ZNF395: variants seen among roughly 807,000 people sequenced by gnomAD.
ZNF395 encodes the protein HD gene regulatory region-binding protein 2.
ZNF395 carries 20 observed loss-of-function variants against 57.7 expected under a neutral mutation model. The observed-to-expected ratio is 0.35, with a 90% CI of 0.24 to 0.50. ZNF395 has a LOEUF of 0.50. Ranked by LOEUF, ZNF395 falls within the 20% of genes least tolerant of loss-of-function variation. The pLI, the probability that ZNF395 is intolerant of heterozygous loss-of-function variation, is 0.97. For synonymous variants in ZNF395, 295 were observed against 275.9 expected (o/e 1.07, Z -0.69); for missense variants, 606 against 671.2 (o/e 0.90, Z 1.07).
Position 28,351,734 on chromosome 8 carries a change from A to C in ZNF395, c.994T>G (p.Ser332Ala), listed in dbSNP as rs1801687534. The change falls in exon 7 of 10, where the codon TCT (serine) becomes GCT (alanine). Residue 332 changes from serine (S) to alanine (A), a missense_variant. By Grantham distance (99) the Ser-to-Ala change is moderately conservative. Coordinates refer to ENST00000344423, the MANE Select transcript of ZNF395 (RefSeq NM_018660.3). ...YYTEVQLKEESAAAAAAAAAG... is the reference protein window; with the variant it reads ...YYTEVQLKEEAAAAAAAAAAG... ...GCAGCAGCAGCAGCAGCAGCAGCAG[A>C]TTCCTCCTTCAGCTGCACCTCTGTG... is the stretch of plus-strand genomic sequence containing the variant. The C allele has an allele frequency of 1.2e-6, 2 of 1,605,432 alleles. No individual in the cohort carries two copies. The highest frequency in any genetic ancestry group is 4.5e-5 in the East Asian group (2 of 44,854).
At chr8:28,365,794 G>A (rs1585858845) in intron 1 of ZNF395, among the ~76,000 whole-genome samples, 1 of 152,176 alleles carries the variant, frequency 6.6e-6, no homozygotes, top group South Asian at 2.1e-4. Flanking sequence ...ACATTCTGAT[G>A]TGCTAATAGC....
chr8:28,353,692 A>G (rs1801746726), intron 4 of ZNF395, among the ~76,000 whole-genome samples: 1 of 151,982 alleles, frequency 6.6e-6, no homozygotes, highest in African/African-American at 2.4e-5. Context: ...GGGTCTTGCT[A>G]TGTTGCCCAG....
intron 1 of ZNF395, among the ~76,000 whole-genome samples, chr8:28,377,144 G>A (rs1802051396): frequency 6.6e-6 from 1 of 151,910 alleles, no homozygotes; most frequent in Non-Finnish European, 1.5e-5. Flanking sequence ...AAATAATCAG[G>A]GCGGATTCTA....
In ZNF395 at chr8:28,353,189, G is replaced by A. The variant is rs1156277630; in HGVS notation, c.803C>T (p.Ala268Val). The A allele has an allele frequency of 1.2e-6, 2 of 1,613,784 alleles. No homozygotes were observed. The change falls in exon 5 of 10, where the codon GCT (alanine) becomes GTT (valine). Residue 268 changes from alanine to valine, a missense_variant. This residue lies in a region of ZNF395 where 309 missense variants were observed against 374.7 expected (regional missense o/e 0.82). Transcript: ENST00000344423. ...DPDPFLLDEPAPRKRKNSVKV... is the reference protein window; with the variant it reads ...DPDPFLLDEPVPRKRKNSVKV... Reference sequence around the variant, plus strand: ...ATCACGTACCTTTCTTTTTCGTGGAGCTGGTTCGTCCAGCAGGAAAGGGTC... The same window carrying A: ...ATCACGTACCTTTCTTTTTCGTGGAACTGGTTCGTCCAGCAGGAAAGGGTC...
intron 3 of ZNF395, among the ~76,000 whole-genome samples, chr8:28,358,154 T>TC (rs1801804885): frequency 1.4e-5 from 2 of 142,894 alleles, no homozygotes; most frequent in African/African-American, 5.2e-5. Flanking sequence ...TTTTTTTCTT[T>TC]TTTTTTTTTT....
chr8:28,377,783 A>T (rs1802059573), intron 1 of ZNF395, among the ~76,000 whole-genome samples: 1 of 116,198 alleles, frequency 8.6e-6, no homozygotes, highest in Non-Finnish European at 1.6e-5. Flanking sequence ...TGAGAGATGG[A>T]GTCTCACTCT....
Position 28,353,403 on chromosome 8 carries a change from G to A in ZNF395, c.589C>T (p.Arg197Cys), listed in dbSNP as rs571744613. The change falls in exon 5 of 10, where the codon CGT (arginine) becomes TGT (cysteine). Residue 197 changes from arginine (R) to cysteine (C), a missense_variant. Coordinates refer to ENST00000344423, the MANE Select transcript of ZNF395 (RefSeq NM_018660.3). Reference sequence around the variant, plus strand: ...TCCTTCCATGGGTCGCAGGCCGCACGGGAAGCTGGCCAGATGAAGAAAAGA... The same window carrying A: ...TCCTTCCATGGGTCGCAGGCCGCACAGGAAGCTGGCCAGATGAAGAAAAGA... The part of the protein sequence containing the change: ...PGTEANFSAS[R>C]AACDPWKESG... 1.0e-5 allele frequency: 16 copies of A among 1,530,348 alleles called. No individual in the cohort carries two copies. The highest frequency in any genetic ancestry group is 6.4e-5 in the South Asian group (5 of 78,034). 94.8% of individuals were successfully genotyped at this position (1,530,348 alleles called of 1,614,324 possible).
chr8:28,383,566 A>T (rs1802135876), intron 1 of ZNF395, among the ~76,000 whole-genome samples: 1 of 151,826 alleles, frequency 6.6e-6, no homozygotes, highest in Non-Finnish European at 1.5e-5. Flanking sequence ...AACAGCCCAT[A>T]CTCCTCAGGG....
chr8:28,384,784 C>T (rs1461037840), intron 1 of ZNF395, among the ~76,000 whole-genome samples: 2 of 152,236 alleles, frequency 1.3e-5, no homozygotes, highest in Non-Finnish European at 2.9e-5. Context: ...TATACTCCCT[C>T]TCCAGCATCT....
chr8:28,371,968 G>A (rs963563947), intron 1 of ZNF395, among the ~76,000 whole-genome samples: 1 of 152,022 alleles, frequency 6.6e-6, no homozygotes, highest in Non-Finnish European at 1.5e-5. Context: ...AGAATTGCTT[G>A]TACCTAGGAG....
chr8:28,349,402 G>A (rs1585849408), intron 8 of ZNF395, among the ~76,000 whole-genome samples, 174 bp from the exon 9 acceptor site: 1 of 152,222 alleles, frequency 6.6e-6, no homozygotes, highest in Non-Finnish European at 1.5e-5. Flanking sequence ...GGAAGGAGCA[G>A]GCCTTCATGC....
chr8:28,377,187 GAATTA>G (rs1186373391), intron 1 of ZNF395, among the ~76,000 whole-genome samples: 8 of 152,078 alleles, frequency 5.3e-5, no homozygotes, highest in Non-Finnish European at 1.0e-4. Flanking sequence ...AAGTTAAGCA[GAATTA>G]AACTAAAAAA....
rs377350712 is a variant in ZNF395, at chr8:28,362,620, C to T, written c.-58-1438G>A. Among the ~76,000 whole-genome samples, 27 of 152,056 alleles carry T rather than the reference C, an allele frequency of 1.8e-4. No homozygotes were observed. In the South Asian group the frequency reaches 4.4e-3, roughly 25 times the overall value. ...CTTAGCTCAAGCTATCTTTGAACAGCTGCATAAGCCTTCTTTCCTTTTCAC... is the reference window on the plus strand; with the variant it reads ...CTTAGCTCAAGCTATCTTTGAACAGTTGCATAAGCCTTCTTTCCTTTTCAC... On this transcript the variant is annotated intron_variant, in intron 1 of 9. Transcript: ENST00000344423.
chr8:28,374,950 A>G lies in ZNF395; in HGVS notation c.-59+11443T>C, dbSNP rs922691429. The stretch of plus-strand genomic sequence containing the variant: ...CCAAATCCCCTGAGCTAATGAGAAA[A>G]AAGAATCTGAACATCCCATTGCACA... On this transcript the variant is annotated intron_variant, in intron 1 of 9. Coordinates refer to ENST00000344423, the MANE Select transcript of ZNF395 (RefSeq NM_018660.3). Among the ~76,000 whole-genome samples, 3 of 152,202 alleles carry G rather than the reference A, an allele frequency of 2.0e-5. No individual in the cohort carries two copies. The South Asian group carries it at 6.2e-4, about 31-fold the overall frequency.
chr8:28,365,731 C>A (rs1801902668), intron 1 of ZNF395, among the ~76,000 whole-genome samples: 1 of 152,216 alleles, frequency 6.6e-6, no homozygotes, highest in Non-Finnish European at 1.5e-5. Flanking sequence ...CCCTAGATAA[C>A]ATCTTTCAGT....
At chr8:28,364,849 C>A (rs139479861) in intron 1 of ZNF395, among the ~76,000 whole-genome samples, 169 of 152,328 alleles carry the variant, frequency 1.1e-3, no homozygotes, top group Middle Eastern at 6.8e-3. Context: ...GAAAAAATCT[C>A]TTCTCCACTT....
At chr8:28,369,803 G>T (rs1044557409) in intron 1 of ZNF395, among the ~76,000 whole-genome samples, 1 of 152,222 alleles carries the variant, frequency 6.6e-6, no homozygotes, top group African/African-American at 2.4e-5. Context: ...AAAAAGCCCA[G>T]CGTCTTTAAA....
chr8:28,386,152 G>C (rs1310735686), intron 1 of ZNF395: 4 of 147,588 alleles, frequency 2.7e-5, no homozygotes, highest in Non-Finnish European at 6.0e-5. Context: ...CCGGCCGCCC[G>C]CCGAGGCTCG....
chr8:28,362,636 T>A (rs1471813105), intron 1 of ZNF395, among the ~76,000 whole-genome samples: 1 of 152,152 alleles, frequency 6.6e-6, no homozygotes, highest in Non-Finnish European at 1.5e-5. Context: ...AAGCCTTCTT[T>A]CCTTTTCACC....
Sources: allele counts gnomAD v4.1 joint callset (sites outside exome capture counted in the v4.1 genomes callset), GRCh38; gene constraint gnomAD v4.1.1; regional missense constraint gnomAD v4.1.1; transcripts MANE v1.5; gene names NCBI Gene and HGNC (gene_info 2026-07-23, HGNC 2026-07-21).